SOS1: variants seen among roughly 807,000 people sequenced by gnomAD.
SOS1 encodes son of sevenless homolog 1.
SOS1 carries 25 observed loss-of-function variants against 157.6 expected under a neutral mutation model. The ratio of observed to expected loss-of-function variants is 0.16; its 90% CI spans 0.12 to 0.22. The LOEUF (loss-of-function observed/expected upper bound fraction) is 0.22, where lower values mean the gene tolerates loss of function less well. Ranked by LOEUF, SOS1 falls within the 10% of genes least tolerant of loss-of-function variation. The pLI is 1.00. For synonymous variants in SOS1, 528 were observed against 534.0 expected (o/e 0.99, Z 0.16); for missense variants, 1,237 against 1,599.1 (o/e 0.77, Z 3.86).
chr2:39,124,471 C>T (rs1674006651), upstream of SOS1: 1 of 152,236 alleles, frequency 6.6e-6, no homozygotes, highest in South Asian at 2.1e-4. Context: ...GTTCCGAGCG[C>T]GGCGCATCGG....
intron 6 of SOS1, among the ~76,000 whole-genome samples, chr2:39,044,850 A>T (rs947750707): frequency 3.1e-5 from 2 of 65,572 alleles, no homozygotes; most frequent in Non-Finnish European, 6.2e-5. Flanking sequence ...GTACACACAC[A>T]TGCGCGCGCG....
At chr2:39,115,513 C>G (rs1180289121) in intron 1 of SOS1, among the ~76,000 whole-genome samples, 1 of 147,392 alleles carries the variant, frequency 6.8e-6, no homozygotes, top group African/African-American at 2.5e-5. Context: ...CTCTCAGACT[C>G]AAGCAATGCT....
intron 1 of SOS1, among the ~76,000 whole-genome samples, chr2:39,118,962 C>T (rs1016043606): frequency 6.6e-6 from 1 of 152,204 alleles, no homozygotes; most frequent in African/African-American, 2.4e-5. Flanking sequence ...GCTTTTGCCT[C>T]TAAGCAAAAT....
chr2:39,100,246 A>G (rs764479415), intron 1 of SOS1, among the ~76,000 whole-genome samples: 3 of 152,196 alleles, frequency 2.0e-5, no homozygotes, highest in Non-Finnish European at 4.4e-5. Flanking sequence ...GCCATTATGG[A>G]AAACAGTAAT....
intron 1 of SOS1, among the ~76,000 whole-genome samples, chr2:39,079,524 T>G (rs139359415): frequency 0.01 from 1,184 of 117,320 alleles, 22 homozygotes; most frequent in African/African-American, 0.036. Flanking sequence ...AGACGGAGTC[T>G]CGCTCTGTCG....
intron 1 of SOS1, among the ~76,000 whole-genome samples, chr2:39,080,382 C>A (rs902549562): frequency 2.4e-4 from 36 of 152,148 alleles, no homozygotes; most frequent in Non-Finnish European, 3.8e-4. Context: ...TTTGCTCACT[C>A]ACCCACTGCT....
intron 6 of SOS1, among the ~76,000 whole-genome samples, chr2:39,037,389 A>G (rs970195866): frequency 6.6e-6 from 1 of 152,130 alleles, no homozygotes; most frequent in Non-Finnish European, 1.5e-5. Flanking sequence ...ATACTCAAAA[A>G]TTTTTCAAGA....
At position 39,046,495 on chromosome 2, in the gene SOS1, C is replaced by CTTTTTTTTTTTTTT. The variant is rs201639147; in HGVS notation, c.864+4635_864+4648dup. ...TTATTTATTTATTTTGAGACAGTGT[C>CTTTTTTTTTTTTTT]TTTTTTTTTTTTTTTTTTTTTTTTT... On this transcript the variant is annotated intron_variant, in intron 6 of 22. Transcript: ENST00000402219. Among the ~76,000 whole-genome samples the CTTTTTTTTTTTTTT allele has an allele frequency of 8.8e-5, 11 of 124,406 alleles. 1 individual carries two copies. Among genetic ancestry groups the CTTTTTTTTTTTTTT allele is most frequent in the East Asian group, 4.6e-4 (2 of 4,338 alleles). 81.6% of individuals were successfully genotyped at this position (124,406 alleles called of 152,430 possible). A position where few individuals can be genotyped will look rare whatever the true frequency, so the allele number is the denominator to read the frequency against.
chr2:38,985,688 C>T lies in SOS1; in HGVS notation c.*136G>A. 9.8e-7 allele frequency: 1 copy of T among 1,022,810 alleles called. No individual in the cohort carries two copies. Among genetic ancestry groups the T allele is most frequent in the Non-Finnish European group, 1.5e-6 (1 of 649,318 alleles). The allele number at this position is 1,022,810 out of a possible 1,614,324, so 63.4% of individuals were successfully genotyped here. ...TTACATCTAGGTTAAAATTCATTGT[C>T]TTATACTGCATCTTGAAGAAGAGTC... On this transcript the variant is annotated 3_prime_UTR_variant, in exon 23 of 23. Coordinates refer to ENST00000402219, the MANE Select transcript of SOS1 (RefSeq NM_005633.4).
At chr2:39,113,609 T>C (rs1459744206) in intron 1 of SOS1, among the ~76,000 whole-genome samples, 1 of 152,180 alleles carries the variant, frequency 6.6e-6, no homozygotes, top group Non-Finnish European at 1.5e-5. Context: ...CAAATTTAAC[T>C]TTCCAAACCT....
At chr2:39,117,164 G>A (rs915700267) in intron 1 of SOS1, among the ~76,000 whole-genome samples, 1 of 151,960 alleles carries the variant, frequency 6.6e-6, no homozygotes, top group Non-Finnish European at 1.5e-5. Flanking sequence ...GAGTAGCTGG[G>A]ATTACAGGTG....
At chr2:39,030,213 A>G (rs995612734) in intron 8 of SOS1, among the ~76,000 whole-genome samples, 2 of 141,482 alleles carry the variant, frequency 1.4e-5, no homozygotes, top group African/African-American at 5.3e-5. Context: ...GGATGAAATG[A>G]TTAATTGGCC....
intron 1 of SOS1, among the ~76,000 whole-genome samples, chr2:39,107,402 G>A (rs1306761307): frequency 6.6e-6 from 1 of 152,110 alleles, no homozygotes; most frequent in Non-Finnish European, 1.5e-5. Flanking sequence ...AAGACTTTCT[G>A]AGGCCTTGCA....
intron 6 of SOS1, among the ~76,000 whole-genome samples, chr2:39,044,847 C>T (rs115529070): frequency 0.013 from 1,224 of 93,640 alleles, 18 homozygotes; most frequent in African/African-American, 0.051. Flanking sequence ...TGTGTACACA[C>T]ACATGCGCGC....
Position 39,060,374 on chromosome 2 carries a change from A to G in SOS1, c.214-1570T>C, listed in dbSNP as rs1671358132. ...TCAAATGAAACAGTTTCCTAAAACA[A>G]ACCTGTCCTTATTATATGTAGCACA... On this transcript the variant is annotated intron_variant, in intron 2 of 22. Coordinates refer to ENST00000402219, the MANE Select transcript of SOS1 (RefSeq NM_005633.4). Among the ~76,000 whole-genome samples, 3 of 152,238 alleles carry G rather than the reference A, an allele frequency of 2.0e-5. No homozygotes were observed. The South Asian group carries it at 6.2e-4, about 31-fold the overall frequency.
At position 38,984,881 on chromosome 2, in the gene SOS1, G is replaced by A. The variant is rs977385106; in HGVS notation, c.*943C>T. 6.6e-6 allele frequency: 1 copy of A among 152,166 alleles called. No homozygotes were observed. Among genetic ancestry groups the A allele is most frequent in the Non-Finnish European group, 1.5e-5 (1 of 68,036 alleles). The allele number at this position is 152,166 out of a possible 1,614,324, so 9.4% of individuals were successfully genotyped here. On this transcript the variant is annotated 3_prime_UTR_variant, in exon 23 of 23. Coordinates refer to ENST00000402219, the MANE Select transcript of SOS1 (RefSeq NM_005633.4). ...TGTGTAAAACATGAGCGGTGTCAGTGATGCCCAGCAAGTGCTCCTTTTCAC... is the reference window on the plus strand; with the variant it reads ...TGTGTAAAACATGAGCGGTGTCAGTAATGCCCAGCAAGTGCTCCTTTTCAC...
Position 39,070,944 on chromosome 2 carries a change from C to G in SOS1, c.88-3191G>C, listed in dbSNP as rs185440396. 3.3e-3 allele frequency among the ~76,000 whole-genome samples: 500 copies of G among 152,294 alleles called. 2 individuals carry two copies. Among genetic ancestry groups the G allele is most frequent in the Middle Eastern group, 0.014 (4 of 294 alleles). ...GTGGTGCAACCTTGGCTCACTGCAA[C>G]CTCCACCTCCTGGGTTCAAGCAATT... On this transcript the variant is annotated intron_variant, in intron 1 of 22. Coordinates refer to ENST00000402219, the MANE Select transcript of SOS1 (RefSeq NM_005633.4).
intron 1 of SOS1, among the ~76,000 whole-genome samples, chr2:39,081,595 C>T (rs1572878474): frequency 6.6e-6 from 1 of 151,986 alleles, no homozygotes; most frequent in South Asian, 2.1e-4. Context: ...GAGGCCAAGG[C>T]AGGCAGATTA....
At chr2:39,101,330 C>A (rs1395545625) in intron 1 of SOS1, among the ~76,000 whole-genome samples, 1 of 152,168 alleles carries the variant, frequency 6.6e-6, no homozygotes, top group Non-Finnish European at 1.5e-5. Context: ...CAGGCCCCCA[C>A]TGTCTAACAC....
Sources: gnomAD v4.1 joint callset for allele counts (sites outside exome capture counted in the v4.1 genomes callset) on GRCh38, gnomAD v4.1.1 for gene constraint, MANE v1.5 for transcripts, NCBI Gene and HGNC (gene_info 2026-07-23, HGNC 2026-07-21) for gene names.